The following ANKRD28 variants were observed in gnomAD, a reference collection of about 807,000 sequenced individuals.
The protein encoded by ANKRD28 is ankyrin repeat domain 28.
A neutral mutation model predicts 126.5 loss-of-function variants in ANKRD28; 44 were observed. The ratio of observed to expected loss-of-function variants is 0.35; its 90% CI spans 0.27 to 0.45. The LOEUF (loss-of-function observed/expected upper bound fraction) is 0.45. Among genes scored for constraint, ANKRD28 ranks in the 20% least tolerant of loss-of-function variants. The pLI, the probability that ANKRD28 is intolerant of heterozygous loss-of-function variation, is 1.00. For synonymous variants in ANKRD28, 442 were observed against 468.5 expected, an observed-to-expected ratio of 0.94 and a Z score of 0.73; for missense variants, 1,110 against 1,316.6, an observed-to-expected ratio of 0.84 and a Z score of 2.43.
rs557270376 is a variant in ANKRD28, at chr3:15,670,993, T to A, written c.2966-437A>T. Among the ~76,000 whole-genome samples the A allele has an allele frequency of 6.6e-5, 10 of 152,372 alleles. No individual in the cohort carries two copies. The South Asian group carries it at 2.1e-3, about 32-fold the overall frequency. ...TTAATTTGTAGTTATGTAAGGAAAC[T>A]TTTTGATGCTAAGAAATCTTAAATG... On this transcript the variant is annotated intron_variant, in intron 27 of 27. Coordinates refer to ENST00000683139, the MANE Select transcript of ANKRD28 (RefSeq NM_001349278.2).
chr3:15,692,205 C>T (rs1002709224), intron 17 of ANKRD28, among the ~76,000 whole-genome samples: 3 of 149,742 alleles, frequency 2.0e-5, no homozygotes, highest in African/African-American at 7.3e-5. Flanking sequence ...TATCTCAGCA[C>T]TTTGGCAGGC....
chr3:15,827,745 T>A (rs374314147), intron 1 of ANKRD28, among the ~76,000 whole-genome samples: 1 of 152,194 alleles, frequency 6.6e-6, no homozygotes, highest in African/African-American at 2.4e-5. Context: ...AATTGGACTT[T>A]GTCAAAGTTT....
intron 4 of ANKRD28, among the ~76,000 whole-genome samples, chr3:15,746,026 T>G (rs1156954692): frequency 1.3e-5 from 2 of 152,244 alleles, no homozygotes; most frequent in African/African-American, 4.8e-5. Context: ...CATTAGTGTA[T>G]AGCAGAACTA....
chr3:15,772,124 A>G (rs2059043236), intron 2 of ANKRD28, among the ~76,000 whole-genome samples: 1 of 152,188 alleles, frequency 6.6e-6, no homozygotes, highest in Non-Finnish European at 1.5e-5. Flanking sequence ...ATCAGAAAAG[A>G]AGGTCTTAAA....
chr3:15,748,759 T>C (rs1379920822), intron 4 of ANKRD28, among the ~76,000 whole-genome samples: 1 of 152,190 alleles, frequency 6.6e-6, no homozygotes, highest in Non-Finnish European at 1.5e-5. Context: ...CTGGGAAAGT[T>C]TCCCTCAATT....
chr3:15,854,996 C>A lies in ANKRD28; in HGVS notation c.27+4381G>T, dbSNP rs1488492598. The stretch of plus-strand genomic sequence containing the variant: ...CTAGGGAGGCAGAGGTTGCAATGCG[C>A]CAAGATCGTGCCGCTGCACTCCAGC... On this transcript the variant is annotated intron_variant, in intron 1 of 27. Transcript: ENST00000399451. This position sits in a 1 kb window ranked among gnomAD's most constrained non-coding sequence, Gnocchi z 4.1. Among the ~76,000 whole-genome samples the A allele has an allele frequency of 6.6e-6, 1 of 152,096 alleles. No individual in the cohort carries two copies. Among genetic ancestry groups the A allele is most frequent in the Admixed American group, 6.5e-5 (1 of 15,274 alleles).
At chr3:15,707,111 A>G (rs1314785019) in intron 14 of ANKRD28, among the ~76,000 whole-genome samples, 1 of 152,232 alleles carries the variant, frequency 6.6e-6, no homozygotes, top group Admixed American at 6.5e-5. Flanking sequence ...ATTCTGTTAT[A>G]TGAAGTACAT....
At chr3:15,759,512 C>A (rs1044611168) in intron 3 of ANKRD28, among the ~76,000 whole-genome samples, 15 of 151,980 alleles carry the variant, frequency 9.9e-5, no homozygotes, top group Admixed American at 3.3e-4. Flanking sequence ...GGTGCCACGC[C>A]AAAAATTATA....
chr3:15,722,908 TG>T (rs2073871757), intron 7 of ANKRD28, among the ~76,000 whole-genome samples: 2 of 151,962 alleles, frequency 1.3e-5, no homozygotes, highest in South Asian at 2.1e-4. Flanking sequence ...CTCCAGTTTG[TG>T]GTAATTCTCT....
At chr3:15,727,903 T>C (rs2074297013) in intron 6 of ANKRD28, among the ~76,000 whole-genome samples, 1 of 152,210 alleles carries the variant, frequency 6.6e-6, no homozygotes, top group East Asian at 1.9e-4. Flanking sequence ...GTTGTTGAAA[T>C]GACAACAAAG....
Position 15,796,587 on chromosome 3 carries a change from G to A in ANKRD28, c.-66C>T. 1.7e-6 allele frequency: 2 copies of A among 1,210,876 alleles called. No individual in the cohort carries two copies. Among genetic ancestry groups the A allele is most frequent in the Non-Finnish European group, 2.1e-6 (2 of 944,840 alleles). The allele number at this position is 1,210,876 out of a possible 1,614,324, so 75.0% of individuals were successfully genotyped here. ...AGTCACAGTTGGAAGAGCACAAGTA[G>A]TTTTTCCTCCTCTTCTGTACAACAC... On this transcript the variant is annotated 5_prime_UTR_variant, in exon 1 of 28. Transcript: ENST00000683139.
At chr3:15,731,364 T>C (rs1221709969) in intron 6 of ANKRD28, among the ~76,000 whole-genome samples, 1 of 152,236 alleles carries the variant, frequency 6.6e-6, no homozygotes, top group Non-Finnish European at 1.5e-5. Context: ...GCACTCTGCT[T>C]ACCATGTAAG....
chr3:15,718,172 G>A (rs940535227), intron 8 of ANKRD28, among the ~76,000 whole-genome samples: 1 of 152,162 alleles, frequency 6.6e-6, no homozygotes, highest in African/African-American at 2.4e-5. Flanking sequence ...TTGTGTGTAA[G>A]AGCTGGAAGG....
chr3:15,727,241 T>C (rs9880703), intron 6 of ANKRD28, among the ~76,000 whole-genome samples: 28,629 of 151,936 alleles, frequency 0.19, 4,180 homozygotes, highest in East Asian at 0.56. Context: ...TCAAAGTAAA[T>C]TGAAAACCTT....
chr3:15,737,884 T>A (rs2075137898), intron 4 of ANKRD28, among the ~76,000 whole-genome samples: 1 of 131,394 alleles, frequency 7.6e-6, no homozygotes. Context: ...GAAAAATCAC[T>A]AGGATCAATT....
chr3:15,820,283 T>C (rs1360566389), intron 1 of ANKRD28, among the ~76,000 whole-genome samples: 3 of 152,198 alleles, frequency 2.0e-5, no homozygotes, highest in African/African-American at 4.8e-5. Context: ...GATAAAGTGA[T>C]AGGTGGCTAT....
chr3:15,695,147 G>C lies in ANKRD28; in HGVS notation c.1686+41C>G, dbSNP rs367981781. On this transcript the variant is annotated intron_variant, in intron 16 of 27. Transcript: ENST00000683139. The stretch of plus-strand genomic sequence containing the variant: ...TAAACATAACTGGTAGGAGGGAACT[G>C]ACCAATACTAATTGGTGGGAGGGAA... 16 of 1,487,990 alleles carry C rather than the reference G, an allele frequency of 1.1e-5. No individual in the cohort carries two copies. In the African/African-American group the frequency reaches 1.9e-4, roughly 18 times the overall value. 92.2% of individuals were successfully genotyped at this position (1,487,990 alleles called of 1,614,324 possible). A position where few individuals can be genotyped will look rare whatever the true frequency, so the allele number is the denominator to read the frequency against.
At chr3:15,848,836 A>G (rs914164683) in intron 1 of ANKRD28, among the ~76,000 whole-genome samples, 1 of 152,214 alleles carries the variant, frequency 6.6e-6, no homozygotes, top group Non-Finnish European at 1.5e-5. Context: ...CACCACTTCT[A>G]CTGAACACCG....
At chr3:15,710,386 CCT>C (rs763079977) in intron 12 of ANKRD28, among the ~76,000 whole-genome samples, 1 of 151,994 alleles carries the variant, frequency 6.6e-6, no homozygotes, top group Admixed American at 6.6e-5. Flanking sequence ...GTCTGTTGTC[CCT>C]CTCTCTGTAG....
Sources: gnomAD v4.1 joint callset for allele counts (sites outside exome capture counted in the v4.1 genomes callset) on GRCh38, gnomAD v4.1.1 for gene constraint, Gnocchi (gnomAD v3.1) non-coding constraint, MANE v1.5 for transcripts, NCBI Gene and HGNC (gene_info 2026-07-23, HGNC 2026-07-21) for gene names.